The following PLEKHH1 variants were observed in gnomAD, a reference collection of about 807,000 sequenced individuals.
PLEKHH1 encodes pleckstrin homology, MyTH4 and FERM domain containing H1, also known as pleckstrin homology domain-containing family H member 1.
A neutral mutation model predicts 160.0 loss-of-function variants in PLEKHH1; 104 were observed. That is an observed-to-expected ratio of 0.65 (90% CI 0.55 to 0.76). PLEKHH1 has a LOEUF of 0.76. PLEKHH1 is among the 30% of genes least tolerant of loss of function. PLEKHH1 has a pLI of 0.00. For synonymous variants in PLEKHH1, 619 were observed against 678.4 expected, an observed-to-expected ratio of 0.91 and a Z score of 1.36; for missense variants, 1,427 against 1,724.1, an observed-to-expected ratio of 0.83 and a Z score of 3.05.
chr14:67,572,283 C>A lies in PLEKHH1; in HGVS notation c.1728+6C>A. On this transcript the variant is annotated splice_donor_region_variant and intron_variant, in intron 11 of 28. Coordinates refer to ENST00000329153, the MANE Select transcript of PLEKHH1 (RefSeq NM_020715.3). ...ACGGGCTGGGCCTGGGCGGGGTGAG[C>A]CGGGAAACGGGCGGGGGCAGGGTGG... The A allele has an allele frequency of 6.3e-7, 1 of 1,588,362 alleles. No homozygotes were observed. The highest frequency in any genetic ancestry group is 8.5e-7 in the Non-Finnish European group (1 of 1,170,676).
intron 1 of PLEKHH1, among the ~76,000 whole-genome samples, chr14:67,536,354 A>G (rs2033716761): frequency 6.6e-6 from 1 of 151,808 alleles, no homozygotes; most frequent in South Asian, 2.1e-4. Context: ...CTCTCCCACA[A>G]TTGACAAGTA....
rs2036269678 is a variant in PLEKHH1 at position 67,588,685 on chromosome 14, C to T, written c.*1450C>T. ...TAGGAAACTGAGTTTTATTTCCTAG[C>T]TCTAAGGCAGCCTTACTATATGTCA... On this transcript the variant is annotated 3_prime_UTR_variant, in exon 29 of 29. Transcript: ENST00000329153. 1 of 152,466 alleles carries T rather than the reference C, an allele frequency of 6.6e-6. No homozygotes were observed. 9.4% of individuals were successfully genotyped at this position (152,466 alleles called of 1,614,324 possible).
chr14:67,539,728 G>A (rs1159146861), intron 1 of PLEKHH1, among the ~76,000 whole-genome samples: 2 of 152,092 alleles, frequency 1.3e-5, no homozygotes, highest in Non-Finnish European at 2.9e-5. Flanking sequence ...CAAGGAATTT[G>A]GGACCAGAAT....
intron 9 of PLEKHH1, chr14:67,571,466 C>G: frequency 2.8e-6 from 1 of 351,902 alleles, no homozygotes; most frequent in Non-Finnish European, 5.3e-6. Context: ...TTTCTGGCCC[C>G]CTAGTGGCAA....
chr14:67,573,128 A>C lies in PLEKHH1; in HGVS notation c.1729-148A>C. 3.3e-6 allele frequency: 2 copies of C among 600,200 alleles called. No individual in the cohort carries two copies. Among genetic ancestry groups the C allele is most frequent in the East Asian group, 2.9e-5 (1 of 34,562 alleles). The allele number at this position is 600,200 out of a possible 1,614,324, so 37.2% of individuals were successfully genotyped here. A position where few individuals can be genotyped will look rare whatever the true frequency, so the allele number is the denominator to read the frequency against. On this transcript the variant is annotated intron_variant, in intron 11 of 28. Coordinates refer to ENST00000329153, the MANE Select transcript of PLEKHH1 (RefSeq NM_020715.3). This position sits in a 1 kb window ranked among gnomAD's most constrained non-coding sequence, Gnocchi z 4.8. ...TCTCTGAACCATAGCAGGGCATGGT[A>C]CTCTGAAAATACACTGAGTAGGTAC...
intron 8 of PLEKHH1, 117 bp downstream of exon 8, chr14:67,569,333 C>G (rs1375330983): frequency 8.7e-6 from 6 of 686,126 alleles, no homozygotes; most frequent in Non-Finnish European, 1.6e-5. Context: ...CTACCCTGTT[C>G]CCCTCCCCAG....
rs191259621 is a variant in PLEKHH1 at position 67,548,628 on chromosome 14, C to A, written c.126+6635C>A. The stretch of plus-strand genomic sequence containing the variant: ...AGGAGAATCACTTGAAACCGGGAGG[C>A]AGAGGTTGCGGTGAGCCAAGATTGT... On this transcript the variant is annotated intron_variant, in intron 2 of 28. Transcript: ENST00000329153. Among the ~76,000 whole-genome samples the A allele has an allele frequency of 2.2e-3, 336 of 152,238 alleles. 1 individual carries two copies. Among genetic ancestry groups the A allele is most frequent in the African/African-American group, 7.9e-3 (329 of 41,540 alleles).
Position 67,574,737 on chromosome 14 carries a change from G to C in PLEKHH1, c.2088+334G>C, listed in dbSNP as rs540931722. Among the ~76,000 whole-genome samples the C allele has an allele frequency of 1.2e-4, 18 of 152,252 alleles. No homozygotes were observed. In the East Asian group the frequency reaches 3.1e-3, roughly 26 times the overall value. On this transcript the variant is annotated intron_variant, in intron 14 of 28. Coordinates refer to ENST00000329153, the MANE Select transcript of PLEKHH1 (RefSeq NM_020715.3). The surrounding 1 kb of genome is among the most constrained non-coding windows in gnomAD (Gnocchi z 4.2). Reference sequence around the variant, plus strand: ...TGTTAATAGTGGGAGGAAGAGGCCTGGGCGAGGTAGGTATGGCTCCTCAAA... The same window carrying C: ...TGTTAATAGTGGGAGGAAGAGGCCTCGGCGAGGTAGGTATGGCTCCTCAAA...
chr14:67,559,482 T>G, intron 4 of PLEKHH1, 126 bp from the exon 5 acceptor site: 1 of 641,818 alleles, frequency 1.6e-6, no homozygotes. Context: ...CAACAAACGA[T>G]TTCTGCTCAC....
chr14:67,563,905 T>G (rs968031574), intron 7 of PLEKHH1, among the ~76,000 whole-genome samples: 19 of 2,760 alleles, frequency 6.9e-3, no homozygotes, highest in East Asian at 0.036. Flanking sequence ...GGCTAACTGT[T>G]TTTTTTTTTT....
chr14:67,583,003 G>A (rs2035975408), intron 24 of PLEKHH1, among the ~76,000 whole-genome samples: 1 of 152,182 alleles, frequency 6.6e-6, no homozygotes, highest in African/African-American at 2.4e-5. Flanking sequence ...TTCAGACTTG[G>A]ACTCTCCTTC....
At chr14:67,586,406 C>CTTCT in intron 28 of PLEKHH1, 2 of 1,345,676 alleles carry the variant, frequency 1.5e-6, no homozygotes, top group South Asian at 2.5e-5. Flanking sequence ...TGCTTACGTG[C>CTTCT]TCTTCTCTTC....
At chr14:67,553,866 C>T (rs2034492337) in intron 2 of PLEKHH1, among the ~76,000 whole-genome samples, 1 of 152,200 alleles carries the variant, frequency 6.6e-6, no homozygotes, top group Admixed American at 6.5e-5. Context: ...CCAACCCACC[C>T]ACTCAGCTTC....
Position 67,562,562 on chromosome 14 carries a change from A to C in PLEKHH1, c.931A>C (p.Thr311Pro), listed in dbSNP as rs1238498190. 1.2e-6 allele frequency: 2 copies of C among 1,611,466 alleles called. No homozygotes were observed. The highest frequency in any genetic ancestry group is 2.7e-5 in the African/African-American group (2 of 74,802). ...GGAAGGTGGTCCTGGCAGCAGTCTGACCCTACCAAAGGTGCGGGCTCCTGG... is the reference window on the plus strand; with the variant it reads ...GGAAGGTGGTCCTGGCAGCAGTCTGCCCCTACCAAAGGTGCGGGCTCCTGG... Reference protein sequence around the residue: ...AREGGPGSSLTLPKVRAPGTP... With the variant: ...AREGGPGSSLPLPKVRAPGTP... Residue 311 changes from threonine to proline, a missense_variant, in exon 7 of 29, where the codon ACC becomes CCC. By Grantham distance (38) the Thr-to-Pro change is conservative. Transcript: ENST00000329153.
At chr14:67,541,771 C>A in intron 1 of PLEKHH1, 63 bp from the exon 2 acceptor site, 1 of 1,157,774 alleles carries the variant, frequency 8.6e-7, no homozygotes, top group Non-Finnish European at 1.2e-6. Flanking sequence ...CCCGTTCTTT[C>A]CCCACAGAAC....
At chr14:67,585,334 G>A in intron 26 of PLEKHH1, 1 of 511,130 alleles carries the variant, frequency 2.0e-6, no homozygotes, top group South Asian at 2.2e-5. Context: ...GATCGCCTCT[G>A]CCTTTGAGAT....
At chr14:67,539,073 T>A (rs1793813634) in intron 1 of PLEKHH1, among the ~76,000 whole-genome samples, 1 of 152,218 alleles carries the variant, frequency 6.6e-6, no homozygotes, top group South Asian at 2.1e-4. Context: ...GCTTTTACTG[T>A]TATTTCTTAG....
At position 67,533,344 on chromosome 14, in the gene PLEKHH1, C is replaced by T. The variant is rs1029600550; in HGVS notation, c.-89C>T. 4.6e-5 allele frequency: 7 copies of T among 151,450 alleles called. No individual in the cohort carries two copies. Among genetic ancestry groups the T allele is most frequent in the Non-Finnish European group, 8.9e-5 (6 of 67,794 alleles). 9.4% of individuals were successfully genotyped at this position (151,450 alleles called of 1,614,324 possible). A position where few individuals can be genotyped will look rare whatever the true frequency, so the allele number is the denominator to read the frequency against. ...ACGCAAGGTCGGCTGCGGCGGCGGCCCGAGGGCGCCCGTGTGCCCAGTGCG... is the reference window on the plus strand; with the variant it reads ...ACGCAAGGTCGGCTGCGGCGGCGGCTCGAGGGCGCCCGTGTGCCCAGTGCG... On this transcript the variant is annotated 5_prime_UTR_variant, in exon 1 of 29. Coordinates refer to ENST00000329153, the MANE Select transcript of PLEKHH1 (RefSeq NM_020715.3).
intron 3 of PLEKHH1, among the ~76,000 whole-genome samples, chr14:67,556,558 T>A (rs563545142): frequency 1.3e-5 from 2 of 152,134 alleles, no homozygotes; most frequent in African/African-American, 2.4e-5. Flanking sequence ...GGATTACAGG[T>A]ATGAGCCACC....
Sources: gnomAD v4.1 joint callset for allele counts (sites outside exome capture counted in the v4.1 genomes callset) on GRCh38, gnomAD v4.1.1 for gene constraint, Gnocchi (gnomAD v3.1) non-coding constraint, MANE v1.5 for transcripts, NCBI Gene and HGNC (gene_info 2026-07-23, HGNC 2026-07-21) for gene names.